Variants in PLCE1 observed in about 807,000 individuals in gnomAD.
The protein encoded by PLCE1 is 1-phosphatidylinositol 4,5-bisphosphate phosphodiesterase epsilon-1.
PLCE1 carries 119 observed loss-of-function variants against 242.8 expected under a neutral mutation model. The observed-to-expected ratio is 0.49, with a 90% CI of 0.42 to 0.57. The LOEUF (loss-of-function observed/expected upper bound fraction) is 0.57. Ranked by LOEUF, PLCE1 falls within the 20% of genes least tolerant of loss-of-function variation. The pLI is 0.00. For synonymous variants in PLCE1, 945 were observed against 1,017.4 expected, an observed-to-expected ratio of 0.93 and a Z score of 1.35; for missense variants, 2,441 against 2,788.8, an observed-to-expected ratio of 0.88 and a Z score of 2.81.
chr10:94,252,548 T>C lies in PLCE1; in HGVS notation c.3279+50T>C, dbSNP rs766022922. 3 of 1,469,272 alleles carry C rather than the reference T, an allele frequency of 2.0e-6. No homozygotes were observed. The East Asian group carries it at 7.2e-5, about 35-fold the overall frequency. 91.0% of individuals were successfully genotyped at this position (1,469,272 alleles called of 1,614,324 possible). A position where few individuals can be genotyped will look rare whatever the true frequency, so the allele number is the denominator to read the frequency against. ...CATTAAACCCATCTTCCAGGACCGC[T>C]GTATGGTGAACATCACCATAAAACA... On this transcript the variant is annotated intron_variant, in intron 9 of 32. Coordinates refer to ENST00000371380, the MANE Select transcript of PLCE1 (RefSeq NM_016341.4).
chr10:94,322,700 G>A (rs555477200), intron 30 of PLCE1, among the ~76,000 whole-genome samples: 11 of 152,080 alleles, frequency 7.2e-5, no homozygotes, highest in African/African-American at 1.2e-4. Context: ...CAGGAGAATC[G>A]CTTGAACCCG....
At chr10:94,234,363 T>C (rs1307133324) in intron 6 of PLCE1, 51 bp downstream of exon 6, 2 of 1,585,154 alleles carry the variant, frequency 1.3e-6, no homozygotes, top group Non-Finnish European at 8.6e-7. Flanking sequence ...TTGCTGGCTG[T>C]CTCATCAGGC....
intron 7 of PLCE1, among the ~76,000 whole-genome samples, chr10:94,245,318 T>A (rs1464907814): frequency 6.6e-6 from 1 of 152,172 alleles, no homozygotes; most frequent in East Asian, 1.9e-4. Context: ...AAAATGTACA[T>A]AAAGTATTTA....
intron 2 of PLCE1, among the ~76,000 whole-genome samples, chr10:94,038,343 C>T (rs2061704899): frequency 6.6e-6 from 1 of 152,156 alleles, no homozygotes; most frequent in South Asian, 2.1e-4. Context: ...GACAGCGGTG[C>T]TGGGCTTATT....
chr10:94,223,589 G>T (rs1241595017), intron 4 of PLCE1, among the ~76,000 whole-genome samples: 2 of 152,124 alleles, frequency 1.3e-5, no homozygotes, highest in Non-Finnish European at 2.9e-5. Flanking sequence ...AAAAGCAAAA[G>T]GAAGGAAAAA....
intron 8 of PLCE1, among the ~76,000 whole-genome samples, chr10:94,249,425 T>TAAA (rs56780364): frequency 6.7e-6 from 1 of 148,954 alleles, no homozygotes; most frequent in South Asian, 2.1e-4. Flanking sequence ...GCCCTAAAGT[T>TAAA]AAAAAAAAAA....
intron 3 of PLCE1, among the ~76,000 whole-genome samples, chr10:94,167,677 A>G (rs1176543056): frequency 1.8e-4 from 9 of 49,264 alleles, no homozygotes. Flanking sequence ...CCCTCCCCCC[A>G]CCCCACAACA....
chr10:94,248,635 A>C (rs1282569161), intron 8 of PLCE1, among the ~76,000 whole-genome samples: 1 of 151,274 alleles, frequency 6.6e-6, no homozygotes, highest in Non-Finnish European at 1.5e-5. Context: ...TGTGTACTCC[A>C]CAGGGCACAG....
At chr10:94,313,145 C>T (rs2053442276) in intron 27 of PLCE1, 109 bp from the exon 28 acceptor site, 2 of 1,297,350 alleles carry the variant, frequency 1.5e-6, no homozygotes, top group Non-Finnish European at 2.2e-6. Context: ...TCATCTTTTG[C>T]ATTTACATGT....
intron 16 of PLCE1, 41 bp downstream of exon 16, chr10:94,265,999 T>C: frequency 6.3e-7 from 1 of 1,591,972 alleles, no homozygotes; most frequent in Non-Finnish European, 8.6e-7. Flanking sequence ...TTATTAAACC[T>C]AATTATTTAT....
rs368426208 is a variant in PLCE1 at position 94,246,123 on chromosome 10, G to A, written c.2598G>A (p.Thr866=). 3.3e-5 allele frequency: 53 copies of A among 1,613,930 alleles called. 1 individual carries two copies. Among genetic ancestry groups the A allele is most frequent in the South Asian group, 4.4e-5 (4 of 91,078 alleles). The change falls in exon 8 of 33, where the codon ACG becomes ACA. Residue 866 remains threonine (T), a synonymous_variant. Transcript: ENST00000371380. ...DVHQFLLQGA[T]VIHYDQDTHL... Reference sequence around the variant, plus strand: ...ACCAGTTCCTGCTGCAGGGGGCCACGGTCATCCACTACGACCAGGACACAC... The same window carrying A: ...ACCAGTTCCTGCTGCAGGGGGCCACAGTCATCCACTACGACCAGGACACAC...
chr10:94,227,524 T>C, intron 5 of PLCE1, 73 bp downstream of exon 5: 1 of 1,372,534 alleles, frequency 7.3e-7, no homozygotes, highest in South Asian at 1.2e-5. Flanking sequence ...GAATTAATTG[T>C]CCAGGGACTC....
intron 4 of PLCE1, among the ~76,000 whole-genome samples, chr10:94,187,521 G>C (rs866712762): frequency 6.6e-6 from 1 of 152,110 alleles, no homozygotes; most frequent in South Asian, 2.1e-4. Flanking sequence ...CTGGATACCC[G>C]ATGGCTCGGT....
rs1564825244 is a variant in PLCE1, at chr10:94,246,546, A to G, written c.3021A>G (p.Arg1007=). 1.9e-6 allele frequency: 3 copies of G among 1,614,078 alleles called. No individual in the cohort carries two copies. Among genetic ancestry groups the G allele is most frequent in the South Asian group, 1.1e-5 (1 of 91,076 alleles). Residue 1007 remains arginine, a synonymous_variant, in exon 8 of 33, where the codon AGA becomes AGG. Transcript: ENST00000371380. The part of the protein sequence containing the change: ...MLFSGLLELT[R]AVRKMRKFPD... ...TCAGCGGATTATTGGAACTCACTAGAGCTGTGAGAAAGATGAGGAAATTCC... is the reference window on the plus strand; with the variant it reads ...TCAGCGGATTATTGGAACTCACTAGGGCTGTGAGAAAGATGAGGAAATTCC...
intron 2 of PLCE1, among the ~76,000 whole-genome samples, chr10:94,064,228 A>G (rs567729573): frequency 6.6e-6 from 1 of 152,318 alleles, no homozygotes; most frequent in South Asian, 2.1e-4. Context: ...CAAATTAGTC[A>G]TAATAAGTCA....
intron 3 of PLCE1, among the ~76,000 whole-genome samples, chr10:94,133,794 G>A (rs1160719195): frequency 6.6e-6 from 1 of 152,120 alleles, no homozygotes; most frequent in Non-Finnish European, 1.5e-5. Flanking sequence ...CACATTTTTT[G>A]AGCCCCTATT....
intron 3 of PLCE1, among the ~76,000 whole-genome samples, chr10:94,156,738 C>G (rs1182868444): frequency 6.6e-6 from 1 of 152,014 alleles, no homozygotes; most frequent in Non-Finnish European, 1.5e-5. Context: ...GTAATCATGC[C>G]TTGGTTTTTC....
chr10:94,109,658 T>A (rs901483243), intron 2 of PLCE1, among the ~76,000 whole-genome samples: 1 of 152,120 alleles, frequency 6.6e-6, no homozygotes, highest in Non-Finnish European at 1.5e-5. Flanking sequence ...AAAGCTAAAC[T>A]TCCTTAATAA....
At chr10:94,224,345 G>A (rs750860784) in intron 4 of PLCE1, among the ~76,000 whole-genome samples, 3 of 152,210 alleles carry the variant, frequency 2.0e-5, no homozygotes, top group Admixed American at 6.5e-5. Flanking sequence ...CACAAACCAA[G>A]TGGTGGTCTC....
Sources: allele counts gnomAD v4.1 joint callset (sites outside exome capture counted in the v4.1 genomes callset), GRCh38; gene constraint gnomAD v4.1.1; transcripts MANE v1.5; gene names NCBI Gene and HGNC (gene_info 2026-07-23, HGNC 2026-07-21).